PTPRD: variants seen among roughly 807,000 people sequenced by gnomAD.
The protein encoded by PTPRD is protein tyrosine phosphatase receptor type D.
Under a neutral mutation model 214.5 loss-of-function variants are expected in PTPRD, and 34 were observed. The ratio of observed to expected loss-of-function variants is 0.16; its 90% CI spans 0.12 to 0.21. PTPRD has a LOEUF of 0.21. Among genes scored for constraint, PTPRD ranks in the 10% least tolerant of loss-of-function variants. PTPRD has a pLI of 1.00. For synonymous variants in PTPRD, 1,128 were observed against 845.7 expected (o/e 1.33, Z -5.79); for missense variants, 2,545 against 2,398.7 (o/e 1.06, Z -1.27).
chr9:9,920,496 G>T (rs2082256824), intron 5 of PTPRD, among the ~76,000 whole-genome samples: 1 of 152,156 alleles, frequency 6.6e-6, no homozygotes, highest in Non-Finnish European at 1.5e-5. Flanking sequence ...AAAATAAAAT[G>T]ATGGAGGGCA....
intron 14 of PTPRD, among the ~76,000 whole-genome samples, chr9:8,530,041 C>A (rs1278775732): frequency 6.6e-6 from 1 of 152,004 alleles, no homozygotes; most frequent in East Asian, 1.9e-4. Flanking sequence ...CATTAGATAT[C>A]ATCAGATCTG....
intron 43 of PTPRD, among the ~76,000 whole-genome samples, chr9:8,336,579 GC>G (rs1247589926): frequency 1.5e-5 from 2 of 136,838 alleles, no homozygotes; most frequent in Admixed American, 7.7e-5. Context: ...GGCAACTAAA[GC>G]CAAAAGTGAC....
chr9:8,663,831 T>C (rs1331253026), intron 12 of PTPRD, among the ~76,000 whole-genome samples: 1 of 151,804 alleles, frequency 6.6e-6, no homozygotes, highest in Non-Finnish European at 1.5e-5. Context: ...TATATTTGCT[T>C]AAATGAAATC....
At chr9:8,772,507 G>A (rs1383248048) in intron 11 of PTPRD, among the ~76,000 whole-genome samples, 1 of 151,960 alleles carries the variant, frequency 6.6e-6, no homozygotes, top group Non-Finnish European at 1.5e-5. Context: ...AAATCAGCTT[G>A]GTGTAGTGGT....
At chr9:9,036,842 C>A (rs541737844) in intron 10 of PTPRD, among the ~76,000 whole-genome samples, 1 of 152,252 alleles carries the variant, frequency 6.6e-6, no homozygotes, top group East Asian at 1.9e-4. Flanking sequence ...CTTGGTTGAG[C>A]CTGCTCAAGT....
chr9:10,512,686 G>A (rs1034740789), intron 2 of PTPRD, among the ~76,000 whole-genome samples: 1 of 152,104 alleles, frequency 6.6e-6, no homozygotes, highest in African/African-American at 2.4e-5. Context: ...TGGAAGAAAG[G>A]TTGTGGGTGG....
chr9:8,720,290 T>C (rs2098478731), intron 12 of PTPRD, among the ~76,000 whole-genome samples: 1 of 152,210 alleles, frequency 6.6e-6, no homozygotes, highest in African/African-American at 2.4e-5. Flanking sequence ...GTTGAGCATC[T>C]TGCTATGATG....
intron 8 of PTPRD, among the ~76,000 whole-genome samples, chr9:9,565,658 A>AT (rs2084286676): frequency 6.6e-6 from 1 of 151,954 alleles, no homozygotes; most frequent in African/African-American, 2.4e-5. Flanking sequence ...AGGTACCTTT[A>AT]TTTTTTAAAT....
intron 38 of PTPRD, 145 bp downstream of exon 38, chr9:8,376,462 G>A (rs1231475935): frequency 8.3e-7 from 1 of 1,205,044 alleles, no homozygotes; most frequent in African/African-American, 1.5e-5. Context: ...AAATGGCTGA[G>A]TGATAATGGA....
chr9:9,884,031 G>A lies in PTPRD; in HGVS notation c.-368+54476C>T, dbSNP rs190762077. ...TCCCTTAGTACATATTTATTTGGAAGATATACATTATCTAAGACTTATTCC... is the reference window on the plus strand; with the variant it reads ...TCCCTTAGTACATATTTATTTGGAAAATATACATTATCTAAGACTTATTCC... On this transcript the variant is annotated intron_variant, in intron 5 of 45. Coordinates refer to ENST00000381196, the MANE Select transcript of PTPRD (RefSeq NM_002839.4). Among the ~76,000 whole-genome samples the A allele has an allele frequency of 5.5e-3, 839 of 152,134 alleles. 5 individuals are homozygous for A. The highest frequency in any genetic ancestry group is 7.3e-3 in the Non-Finnish European group (498 of 67,994).
At chr9:10,567,543 G>A (rs1168016173) in intron 2 of PTPRD, among the ~76,000 whole-genome samples, 4 of 152,020 alleles carry the variant, frequency 2.6e-5, no homozygotes, top group African/African-American at 9.7e-5. Context: ...ATTAGAGTGG[G>A]TGCTTATAGC....
At chr9:9,253,933 T>C (rs577578178) in intron 9 of PTPRD, among the ~76,000 whole-genome samples, 40 of 152,214 alleles carry the variant, frequency 2.6e-4, no homozygotes, top group African/African-American at 9.6e-4. Flanking sequence ...TAGTTCAGCC[T>C]CTGGCAGTTG....
intron 11 of PTPRD, among the ~76,000 whole-genome samples, chr9:8,845,167 G>GAAA (rs779256297): frequency 1.5e-4 from 13 of 84,688 alleles, no homozygotes; most frequent in African/African-American, 5.2e-4. Flanking sequence ...ATCCTTGCAG[G>GAAA]AAAAAAAAAC....
At chr9:9,860,592 T>C (rs936860933) in intron 5 of PTPRD, among the ~76,000 whole-genome samples, 1 of 152,196 alleles carries the variant, frequency 6.6e-6, no homozygotes, top group Non-Finnish European at 1.5e-5. Context: ...CTTGCAAGAA[T>C]ACCAGTCTCT....
intron 12 of PTPRD, among the ~76,000 whole-genome samples, chr9:8,666,803 T>C (rs1486342020): frequency 6.6e-6 from 1 of 152,166 alleles, no homozygotes; most frequent in Non-Finnish European, 1.5e-5. Context: ...CTCGAGTGAA[T>C]GCTACACCAC....
At chr9:9,819,978 G>C (rs1205385878) in intron 5 of PTPRD, among the ~76,000 whole-genome samples, 1 of 152,046 alleles carries the variant, frequency 6.6e-6, no homozygotes, top group East Asian at 1.9e-4. Flanking sequence ...CTTTTTGGTA[G>C]AACAGTTTGC....
At chr9:8,702,194 C>T (rs1318745457) in intron 12 of PTPRD, among the ~76,000 whole-genome samples, 1 of 151,246 alleles carries the variant, frequency 6.6e-6, no homozygotes, top group Non-Finnish European at 1.5e-5. Flanking sequence ...AGTGGGTCAG[C>T]AGTTGGTCTA....
chr9:9,710,866 G>A lies in PTPRD; in HGVS notation c.-287+23667C>T, dbSNP rs192655372. 7.7e-3 allele frequency among the ~76,000 whole-genome samples: 1,174 copies of A among 152,200 alleles called. 12 individuals carry two copies. Among genetic ancestry groups the A allele is most frequent in the African/African-American group, 0.027 (1,126 of 41,522 alleles). On this transcript the variant is annotated intron_variant, in intron 7 of 45. Coordinates refer to ENST00000381196, the MANE Select transcript of PTPRD (RefSeq NM_002839.4). ...TTGCTAAAAATATTGATGAGAAGAA[G>A]ACATGATTTCCAGCCAGGGCCGTGA...
At chr9:9,018,095 A>G (rs150112471) in intron 11 of PTPRD, among the ~76,000 whole-genome samples, 92 of 152,050 alleles carry the variant, frequency 6.1e-4, no homozygotes, top group African/African-American at 2.1e-3. Context: ...TTCTTCCCTT[A>G]CTCATTTGCT....
Sources: allele counts gnomAD v4.1 joint callset (sites outside exome capture counted in the v4.1 genomes callset), GRCh38; gene constraint gnomAD v4.1.1; transcripts MANE v1.5; gene names NCBI Gene and HGNC (gene_info 2026-07-23, HGNC 2026-07-21).